The following EDEM3 variants were observed in gnomAD, a reference collection of about 807,000 sequenced individuals.
EDEM3 encodes ER degradation enhancing alpha-mannosidase like protein 3, also known as ER degradation-enhancing alpha-mannosidase-like protein 3.
In EDEM3, 60 loss-of-function variants were observed where a neutral mutation model predicts 110.2. The observed-to-expected ratio is 0.54, with a 90% CI of 0.44 to 0.67. EDEM3 has a LOEUF of 0.67. Among genes scored for constraint, EDEM3 ranks in the 30% least tolerant of loss-of-function variants. EDEM3 has a pLI of 0.00. For missense variants in EDEM3, 996 were observed against 1,121.0 expected (o/e 0.89, Z 1.59); for synonymous variants, 352 against 382.9 (o/e 0.92, Z 0.94).
intron 2 of EDEM3, 161 bp from the exon 3 acceptor site, chr1:184,737,872 A>C (rs1040510693): frequency 6.3e-6 from 4 of 630,786 alleles, no homozygotes; most frequent in Non-Finnish European, 1.0e-5. Flanking sequence ...TTACAAATGT[A>C]ATACATGCTT....
In EDEM3 at chr1:184,730,828, G is replaced by A. The variant is rs115904344; in HGVS notation, c.612+2009C>T. On this transcript the variant is annotated intron_variant, in intron 6 of 19. Transcript: ENST00000318130. The stretch of plus-strand genomic sequence containing the variant: ...CTTATATTTGTAGAGAAGTTATGCC[G>A]GGTGATAGAGATGGTAAGCCTAAAG... 6.9e-3 allele frequency among the ~76,000 whole-genome samples: 1,050 copies of A among 151,478 alleles called. 19 individuals carry two copies. The highest frequency in any genetic ancestry group is 0.025 in the African/African-American group (1,016 of 41,260).
intron 6 of EDEM3, among the ~76,000 whole-genome samples, chr1:184,729,725 A>G (rs1432884495): frequency 1.3e-5 from 2 of 152,186 alleles, no homozygotes; most frequent in African/African-American, 4.8e-5. Flanking sequence ...CTATTGTCCT[A>G]TTATAAAAAA....
At chr1:184,736,649 T>C (rs1339760578) in intron 4 of EDEM3, among the ~76,000 whole-genome samples, 1 of 152,146 alleles carries the variant, frequency 6.6e-6, no homozygotes, top group Non-Finnish European at 1.5e-5. Context: ...AACACAGCAA[T>C]ATAAAGATTC....
intron 19 of EDEM3, among the ~76,000 whole-genome samples, chr1:184,695,200 A>G (rs1200703652): frequency 6.6e-6 from 1 of 152,036 alleles, no homozygotes; most frequent in African/African-American, 2.4e-5. Flanking sequence ...AATAGCATCG[A>G]CGCCTACATG....
intron 6 of EDEM3, among the ~76,000 whole-genome samples, chr1:184,730,126 T>C (rs1320466021): frequency 6.6e-6 from 1 of 152,184 alleles, no homozygotes; most frequent in Non-Finnish European, 1.5e-5. Flanking sequence ...ACATGTACTT[T>C]TACACAACAC....
chr1:184,699,069 A>G (rs1435180587), intron 19 of EDEM3, among the ~76,000 whole-genome samples: 1 of 151,922 alleles, frequency 6.6e-6, no homozygotes, highest in African/African-American at 2.4e-5. Flanking sequence ...CATCAGAAAC[A>G]CAGAAAGAAT....
chr1:184,705,883 T>C (rs900873583), intron 18 of EDEM3, among the ~76,000 whole-genome samples: 1 of 152,072 alleles, frequency 6.6e-6, no homozygotes, highest in African/African-American at 2.4e-5. Context: ...AGTGATTGTC[T>C]ATGAAAGATA....
intron 19 of EDEM3, among the ~76,000 whole-genome samples, chr1:184,696,314 C>T (rs1038452047): frequency 2.0e-5 from 3 of 151,994 alleles, no homozygotes; most frequent in Non-Finnish European, 2.9e-5. Context: ...TAGTATTCCT[C>T]TACCCTAAGA....
At chr1:184,723,637 G>T in intron 8 of EDEM3, 114 bp downstream of exon 8, 1 of 861,616 alleles carries the variant, frequency 1.2e-6, no homozygotes, top group Non-Finnish European at 1.8e-6. Context: ...CAGCAATCTT[G>T]TGAGAACCTA....
At chr1:184,727,591 C>A (rs1029225235) in intron 6 of EDEM3, among the ~76,000 whole-genome samples, 2 of 152,152 alleles carry the variant, frequency 1.3e-5, no homozygotes, top group African/African-American at 4.8e-5. Context: ...AGATTCCAGG[C>A]ATTTCTAAAC....
chr1:184,698,132 T>C (rs1345488247), intron 19 of EDEM3, among the ~76,000 whole-genome samples: 2 of 151,748 alleles, frequency 1.3e-5, no homozygotes, highest in Non-Finnish European at 3.0e-5. Context: ...GGAAATATGC[T>C]GACTAAAATA....
chr1:184,743,255 C>T (rs1362026803), intron 2 of EDEM3, among the ~76,000 whole-genome samples: 3 of 152,080 alleles, frequency 2.0e-5, no homozygotes, highest in East Asian at 1.9e-4. Context: ...GCAATGCATA[C>T]GTGGCAAATT....
chr1:184,753,771 C>T (rs1366947347), intron 1 of EDEM3, among the ~76,000 whole-genome samples: 1 of 152,182 alleles, frequency 6.6e-6, no homozygotes. Flanking sequence ...TCTGGCTTAA[C>T]CGTTCATGCC....
At chr1:184,706,085 T>C (rs924834274) in intron 18 of EDEM3, among the ~76,000 whole-genome samples, 1 of 152,150 alleles carries the variant, frequency 6.6e-6, no homozygotes, top group Admixed American at 6.5e-5. Flanking sequence ...TACAATCACC[T>C]AAAATATATT....
intron 1 of EDEM3, among the ~76,000 whole-genome samples, chr1:184,750,913 C>A (rs1191498034): frequency 1.3e-5 from 2 of 152,076 alleles, no homozygotes; most frequent in East Asian, 1.9e-4. Context: ...TCCTGTTATA[C>A]TGCAATTGTC....
At chr1:184,747,149 G>T (rs1652476430) in intron 2 of EDEM3, among the ~76,000 whole-genome samples, 1 of 151,270 alleles carries the variant, frequency 6.6e-6, no homozygotes, top group Non-Finnish European at 1.5e-5. Context: ...AAAAATTAAA[G>T]AAATTGGTTC....
chr1:184,726,869 C>T (rs1416893074), intron 6 of EDEM3, among the ~76,000 whole-genome samples: 4 of 152,118 alleles, frequency 2.6e-5, no homozygotes, highest in Admixed American at 1.3e-4. Flanking sequence ...TTATGGTATA[C>T]ATTTGAAAGG....
At chr1:184,713,703 A>C (rs1270839774) in intron 13 of EDEM3, among the ~76,000 whole-genome samples, 1 of 152,222 alleles carries the variant, frequency 6.6e-6, no homozygotes, top group Non-Finnish European at 1.5e-5. Context: ...GAGGGAGTAG[A>C]ACAAAGAAGT....
chr1:184,724,265 CTAGA>C (rs980484325), intron 7 of EDEM3, among the ~76,000 whole-genome samples: 2 of 151,974 alleles, frequency 1.3e-5, no homozygotes, highest in African/African-American at 2.4e-5. Flanking sequence ...AAAAATCTCC[CTAGA>C]TACTCTTATT....
Sources: gnomAD v4.1 joint callset for allele counts (sites outside exome capture counted in the v4.1 genomes callset) on GRCh38, gnomAD v4.1.1 for gene constraint, MANE v1.5 for transcripts, NCBI Gene and HGNC (gene_info 2026-07-23, HGNC 2026-07-21) for gene names.